The following RRAS2 variants were observed in gnomAD, a reference collection of about 807,000 sequenced individuals.
The protein encoded by RRAS2 is RAS related 2.
A neutral mutation model predicts 27.6 loss-of-function variants in RRAS2; 7 were observed. The ratio of observed to expected loss-of-function variants is 0.25; its 90% confidence interval spans 0.14 to 0.48. RRAS2 has a LOEUF of 0.48. Among genes scored for constraint, RRAS2 ranks in the 20% least tolerant of loss-of-function variants. The pLI, the probability that RRAS2 is intolerant of heterozygous loss-of-function variation, is 0.99. For synonymous variants in RRAS2, 86 were observed against 90.9 expected, an observed-to-expected ratio of 0.95 and a Z score of 0.31; for missense variants, 178 against 256.2, an observed-to-expected ratio of 0.69 and a Z score of 2.08.
chr11:14,352,902 T>C (rs1293096057), intron 1 of RRAS2, among the ~76,000 whole-genome samples: 1 of 151,700 alleles, frequency 6.6e-6, no homozygotes, highest in Non-Finnish European at 1.5e-5. Context: ...GTTCAAGCAG[T>C]TCTCCTGCCT....
chr11:14,358,611 G>C lies in RRAS2; in HGVS notation c.108+152C>G, dbSNP rs2134048392. The C allele has an allele frequency of 1.0e-6, 1 of 980,884 alleles. No homozygotes were observed. The highest frequency in any genetic ancestry group is 4.7e-5 in the South Asian group (1 of 21,380). The allele number at this position is 980,884 out of a possible 1,614,324, so 60.8% of individuals were successfully genotyped here. A position where few individuals can be genotyped will look rare whatever the true frequency, so the allele number is the denominator to read the frequency against. ...GCGACGCTGCGGCCGCAGGGCAGGAGCGTAGTCGGCCCCGCGCCCTCCCGC... is the reference window on the plus strand; with the variant it reads ...GCGACGCTGCGGCCGCAGGGCAGGACCGTAGTCGGCCCCGCGCCCTCCCGC... On this transcript the variant is annotated intron_variant, in intron 1 of 5. Transcript: ENST00000256196. The surrounding 1 kb of genome is among the most constrained non-coding windows in gnomAD (Gnocchi z 5.1).
At position 14,279,567 on chromosome 11, in the gene RRAS2, A is replaced by AC. The variant is rs1455436793; in HGVS notation, c.528-144dup. The AC allele has an allele frequency of 6.1e-5, 40 of 659,108 alleles. No individual in the cohort carries two copies. The Admixed American group carries it at 1.0e-3, about 17-fold the overall frequency. The allele number at this position is 659,108 out of a possible 1,614,324, so 40.8% of individuals were successfully genotyped here. On this transcript the variant is annotated intron_variant, in intron 5 of 5. Coordinates refer to ENST00000256196, the MANE Select transcript of RRAS2 (RefSeq NM_012250.6). ...CAACGAGGGAATTTCTCTCTTTCCT[A>AC]CCCCCACCAAAAAAGGGCACAAACG...
intron 1 of RRAS2, among the ~76,000 whole-genome samples, chr11:14,331,708 G>A: frequency 6.8e-6 from 1 of 146,650 alleles, no homozygotes; most frequent in Non-Finnish European, 1.5e-5. Context: ...GTTCTGGCAA[G>A]TCTACTACAG....
At chr11:14,337,601 A>C (rs1472908210) in intron 1 of RRAS2, among the ~76,000 whole-genome samples, 2 of 152,200 alleles carry the variant, frequency 1.3e-5, no homozygotes, top group African/African-American at 4.8e-5. Flanking sequence ...TAATTTTTCT[A>C]TTTTATTAAT....
chr11:14,354,089 T>C (rs1275443399), intron 1 of RRAS2, among the ~76,000 whole-genome samples: 3 of 152,226 alleles, frequency 2.0e-5, no homozygotes, highest in Non-Finnish European at 4.4e-5. Context: ...AACCTTCACA[T>C]GTGGATCAAT....
chr11:14,347,914 A>G (rs1267784872), intron 1 of RRAS2, among the ~76,000 whole-genome samples: 1 of 152,166 alleles, frequency 6.6e-6, no homozygotes, highest in Non-Finnish European at 1.5e-5. Context: ...GAACACAGAA[A>G]AAAACAAAAA....
intron 1 of RRAS2, among the ~76,000 whole-genome samples, chr11:14,333,449 A>G (rs1054429381): frequency 6.6e-6 from 1 of 152,204 alleles, no homozygotes; most frequent in Non-Finnish European, 1.5e-5. Context: ...AACATATTGC[A>G]TGTTCAATAA....
Position 14,302,083 on chromosome 11 carries a change from C to CACACACACACACAT in RRAS2, c.109-6229_109-6228insATGTGTGTGTGTGT, listed in dbSNP as rs1183884297. 2.0e-5 allele frequency among the ~76,000 whole-genome samples: 3 copies of CACACACACACACAT among 148,096 alleles called. No individual in the cohort carries two copies. The East Asian group carries it at 5.9e-4, about 29-fold the overall frequency. On this transcript the variant is annotated intron_variant, in intron 1 of 5. Transcript: ENST00000256196. Reference sequence around the variant, plus strand: ...AATGTACCACACACATACACACACACACACACACACACACACACACACACA... The same window carrying CACACACACACACAT: ...AATGTACCACACACATACACACACACACACACACACACATACACACACACACACACACACACACA...
intron 1 of RRAS2, among the ~76,000 whole-genome samples, chr11:14,297,756 CCT>C (rs1317781365): frequency 2.0e-5 from 3 of 151,928 alleles, no homozygotes; most frequent in Non-Finnish European, 4.4e-5. Context: ...AGAATAACAC[CCT>C]GTCTCTTAAA....
At chr11:14,308,732 A>T (rs1464469671) in intron 1 of RRAS2, among the ~76,000 whole-genome samples, 1 of 152,160 alleles carries the variant, frequency 6.6e-6, no homozygotes, top group Admixed American at 6.5e-5. Flanking sequence ...AGAGTTTTTT[A>T]CAAGGAGTAA....
At chr11:14,295,627 A>G in intron 2 of RRAS2, 141 bp downstream of exon 2, 1 of 588,846 alleles carries the variant, frequency 1.7e-6, no homozygotes, top group South Asian at 3.2e-5. Flanking sequence ...CAGACTCTTC[A>G]ATCAAAACTT....
intron 1 of RRAS2, among the ~76,000 whole-genome samples, chr11:14,332,423 C>T (rs1434886973): frequency 6.6e-6 from 1 of 152,120 alleles, no homozygotes; most frequent in African/African-American, 2.4e-5. Flanking sequence ...CCCACTTGAG[C>T]CTGGGGAGGT....
rs535842543 is a variant in RRAS2, at chr11:14,340,187, C to T, written c.108+18576G>A. 5.4e-4 allele frequency among the ~76,000 whole-genome samples: 81 copies of T among 150,796 alleles called. No homozygotes were observed. In the Middle Eastern group the frequency reaches 0.01, roughly 19 times the overall value. On this transcript the variant is annotated intron_variant, in intron 1 of 5. Coordinates refer to ENST00000256196, the MANE Select transcript of RRAS2 (RefSeq NM_012250.6). ...GACCTCGGCTCACTGCAACCTTCGC[C>T]TCCAAGGTTCAAGCGATTTCTGCCT... is the stretch of plus-strand genomic sequence containing the variant.
At chr11:14,315,208 G>A (rs1848071189) in intron 1 of RRAS2, among the ~76,000 whole-genome samples, 1 of 152,194 alleles carries the variant, frequency 6.6e-6, no homozygotes, top group African/African-American at 2.4e-5. Flanking sequence ...CAACTTCATA[G>A]TAGAGAAACC....
chr11:14,325,483 C>T (rs572865483), intron 1 of RRAS2, among the ~76,000 whole-genome samples: 1 of 152,046 alleles, frequency 6.6e-6, no homozygotes, highest in South Asian at 2.1e-4. Context: ...GTATTTTTAG[C>T]AGAGAGGGGG....
chr11:14,340,243 C>G lies in RRAS2; in HGVS notation c.108+18520G>C, dbSNP rs190252998. On this transcript the variant is annotated intron_variant, in intron 1 of 5. Transcript: ENST00000256196. ...TCCCAAGTAGCTGGGATTACAGGCG[C>G]ACCCCACCATGCCCAGCTAATTTTT... Among the ~76,000 whole-genome samples, 59 of 151,814 alleles carry G rather than the reference C, an allele frequency of 3.9e-4. No homozygotes were observed. In the East Asian group the frequency reaches 0.012, roughly 30 times the overall value.
intron 4 of RRAS2, among the ~76,000 whole-genome samples, chr11:14,285,862 T>G (rs373450730): frequency 6.6e-6 from 1 of 152,352 alleles, no homozygotes; most frequent in South Asian, 2.1e-4. Flanking sequence ...CTGGCTATTT[T>G]TCAGATTTTT....
intron 1 of RRAS2, chr11:14,308,394 G>C (rs1847880099): frequency 3.4e-5 from 11 of 327,890 alleles, no homozygotes; most frequent in South Asian, 2.6e-4. Flanking sequence ...CTAGCTCAGT[G>C]CTCCTAGATG....
chr11:14,329,909 A>T (rs1368357009), intron 1 of RRAS2, among the ~76,000 whole-genome samples: 4 of 152,006 alleles, frequency 2.6e-5, no homozygotes, highest in African/African-American at 9.7e-5. Flanking sequence ...ATCTCTATAA[A>T]TAAAAATAAA....
Sources: gnomAD v4.1 joint callset for allele counts (sites outside exome capture counted in the v4.1 genomes callset) on GRCh38, gnomAD v4.1.1 for gene constraint, Gnocchi (gnomAD v3.1) non-coding constraint, MANE v1.5 for transcripts, NCBI Gene and HGNC (gene_info 2026-07-23, HGNC 2026-07-21) for gene names.